The following NKAIN3 variants were observed in gnomAD, a reference collection of about 807,000 sequenced individuals.
NKAIN3 encodes the protein sodium/potassium-transporting ATPase subunit beta-1-interacting protein 3.
NKAIN3 carries 25 observed loss-of-function variants against 30.2 expected under a neutral mutation model. The observed-to-expected ratio is 0.83, with a 90% confidence interval of 0.60 to 1.16. The LOEUF (loss-of-function observed/expected upper bound fraction) is 1.16, where lower values mean the gene tolerates loss of function less well. Among genes scored for constraint, NKAIN3 ranks in the 50% most tolerant of loss-of-function variants. The pLI, the probability that NKAIN3 is intolerant of heterozygous loss-of-function variation, is 0.00. For missense variants in NKAIN3, 225 were observed against 254.1 expected (o/e 0.89, Z 0.78); for synonymous variants, 91 against 89.6 (o/e 1.02, Z -0.09).
rs111874518 is a variant in NKAIN3 at position 62,614,159 on chromosome 8, T to A, written c.273+24365T>A. On this transcript the variant is annotated intron_variant, in intron 3 of 6. Coordinates refer to ENST00000623646, the MANE Select transcript of NKAIN3 (RefSeq NM_001304533.3). ...GTCTGGGCTTATTTGTAGCCATTCT[T>A]CTTGGGGAGGCTTTCTAGATATTTG... Among the ~76,000 whole-genome samples, 829 of 152,270 alleles carry A rather than the reference T, an allele frequency of 5.4e-3. 7 individuals carry two copies. The highest frequency in any genetic ancestry group is 0.018 in the African/African-American group (749 of 41,560).
At chr8:62,773,039 C>T (rs1345490657) in intron 4 of NKAIN3, among the ~76,000 whole-genome samples, 2 of 151,952 alleles carry the variant, frequency 1.3e-5, no homozygotes, top group African/African-American at 4.8e-5. Context: ...GGTTATTAAT[C>T]TCCTGTCAGA....
At chr8:62,523,818 TC>T (rs998565319) in intron 1 of NKAIN3, among the ~76,000 whole-genome samples, 1 of 152,058 alleles carries the variant, frequency 6.6e-6, no homozygotes, top group Non-Finnish European at 1.5e-5. Flanking sequence ...ACGTCAGCTC[TC>T]CTTTGGCGTG....
chr8:62,778,632 G>T (rs1817260927), intron 4 of NKAIN3, among the ~76,000 whole-genome samples: 1 of 152,072 alleles, frequency 6.6e-6, no homozygotes, highest in African/African-American at 2.4e-5. Flanking sequence ...CCCAGAACAG[G>T]ACCAGAAATG....
At chr8:62,908,346 CT>C in intron 4 of NKAIN3, among the ~76,000 whole-genome samples, 1 of 144,536 alleles carries the variant, frequency 6.9e-6, no homozygotes, top group Non-Finnish European at 1.5e-5. Context: ...AGACTTTGGA[CT>C]CTGGATTTTT....
chr8:62,729,040 C>CAAAAAAAAAAAAAAAAAAAAAAAAAAA (rs1317282077), intron 3 of NKAIN3, among the ~76,000 whole-genome samples: 4 of 61,192 alleles, frequency 6.5e-5, no homozygotes, highest in Non-Finnish European at 1.2e-4. Context: ...AAAAAAAAAA[C>CAAAAAAAAAAAAAAAAAAAAAAAAAAA]AAAAAAAAAA....
chr8:62,623,926 G>A (rs1811705638), intron 3 of NKAIN3, among the ~76,000 whole-genome samples: 1 of 152,074 alleles, frequency 6.6e-6, no homozygotes, highest in Non-Finnish European at 1.5e-5. Context: ...TATTTCTTGA[G>A]TATATTCTAA....
At chr8:62,904,110 G>A (rs1203379091) in intron 4 of NKAIN3, among the ~76,000 whole-genome samples, 1 of 152,126 alleles carries the variant, frequency 6.6e-6, no homozygotes, top group Non-Finnish European at 1.5e-5. Context: ...CAAATTAGTA[G>A]CCACATGTTA....
At chr8:62,310,773 G>C (rs1301599611) in intron 1 of NKAIN3, among the ~76,000 whole-genome samples, 1 of 150,380 alleles carries the variant, frequency 6.6e-6, no homozygotes, top group Non-Finnish European at 1.5e-5. Context: ...AATGGAGCTA[G>C]CTGGTTATAT....
At chr8:62,903,094 C>A (rs924001992) in intron 4 of NKAIN3, among the ~76,000 whole-genome samples, 1 of 152,154 alleles carries the variant, frequency 6.6e-6, no homozygotes, top group Non-Finnish European at 1.5e-5. Context: ...AAGTGCTTCC[C>A]ATACACATAA....
chr8:62,485,228 A>G (rs1292832346), intron 1 of NKAIN3, among the ~76,000 whole-genome samples: 1 of 152,114 alleles, frequency 6.6e-6, no homozygotes, highest in Non-Finnish European at 1.5e-5. Flanking sequence ...AAGATTGGTG[A>G]CTGTGGCAGT....
chr8:62,737,078 T>G (rs1406269084), intron 3 of NKAIN3, among the ~76,000 whole-genome samples: 1 of 152,302 alleles, frequency 6.6e-6, no homozygotes, highest in East Asian at 1.9e-4. Flanking sequence ...TCAATCTGCT[T>G]CCACCAAAGG....
intron 1 of NKAIN3, among the ~76,000 whole-genome samples, chr8:62,568,107 G>C (rs996740575): frequency 2.6e-5 from 4 of 152,120 alleles, no homozygotes; most frequent in Non-Finnish European, 5.9e-5. Context: ...ATATGGGTGG[G>C]GTGGAGAAGA....
chr8:62,911,408 G>A (rs970171456), intron 4 of NKAIN3, among the ~76,000 whole-genome samples: 3 of 152,142 alleles, frequency 2.0e-5, no homozygotes, highest in African/African-American at 4.8e-5. Context: ...ATGGGCTTAC[G>A]ATCCAATAAG....
At position 62,792,451 on chromosome 8, in the gene NKAIN3, G is replaced by T. The variant is rs986306694; in HGVS notation, c.471+45322G>T. 1.6e-4 allele frequency among the ~76,000 whole-genome samples: 3 copies of T among 18,264 alleles called. No homozygotes were observed. In the East Asian group the frequency reaches 2.5e-3, roughly 15 times the overall value. The allele number at this position is 18,264 out of a possible 152,430, so 12.0% of individuals were successfully genotyped here. A position where few individuals can be genotyped will look rare whatever the true frequency, so the allele number is the denominator to read the frequency against. Reference sequence around the variant, plus strand: ...CATACATTTGCAAGGAAATTGGACTGTTATTTCCAAGCCACACTCTTCATT... The same window carrying T: ...CATACATTTGCAAGGAAATTGGACTTTTATTTCCAAGCCACACTCTTCATT... On this transcript the variant is annotated intron_variant, in intron 4 of 6. Transcript: ENST00000623646.
intron 1 of NKAIN3, among the ~76,000 whole-genome samples, chr8:62,423,153 A>G (rs1804697263): frequency 6.6e-6 from 1 of 152,102 alleles, no homozygotes; most frequent in Non-Finnish European, 1.5e-5. Flanking sequence ...AGAAAAAGTC[A>G]CACCACCTCA....
At chr8:62,463,775 T>C (rs185772481) in intron 1 of NKAIN3, among the ~76,000 whole-genome samples, 1 of 152,336 alleles carries the variant, frequency 6.6e-6, no homozygotes, top group African/African-American at 2.4e-5. Flanking sequence ...ATATCTGTGA[T>C]AAAGTTTAAT....
chr8:62,785,628 A>G (rs1233904897), intron 4 of NKAIN3, among the ~76,000 whole-genome samples: 4 of 152,136 alleles, frequency 2.6e-5, no homozygotes, highest in African/African-American at 7.2e-5. Flanking sequence ...AAAGTTTTAT[A>G]TACTATGACC....
chr8:62,685,311 G>T (rs1231424580), intron 3 of NKAIN3, among the ~76,000 whole-genome samples: 1 of 151,962 alleles, frequency 6.6e-6, no homozygotes, highest in Admixed American at 6.6e-5. Flanking sequence ...TATGTCACTT[G>T]GTTTAGAAAA....
intron 4 of NKAIN3, among the ~76,000 whole-genome samples, chr8:62,757,189 T>A (rs1816480491): frequency 6.6e-6 from 1 of 152,190 alleles, no homozygotes; most frequent in South Asian, 2.1e-4. Context: ...TTACTTGGGA[T>A]AATTTAATGT....
Sources: allele counts gnomAD v4.1 joint callset (sites outside exome capture counted in the v4.1 genomes callset), GRCh38; gene constraint gnomAD v4.1.1; transcripts MANE v1.5; gene names NCBI Gene and HGNC (gene_info 2026-07-23, HGNC 2026-07-21).